PHF20L1: variants seen among roughly 807,000 people sequenced by gnomAD.
PHF20L1 encodes the protein PHD finger protein 20-like protein 1.
In PHF20L1, 44 loss-of-function variants were observed where a neutral mutation model predicts 125.5. That is an observed-to-expected ratio of 0.35 (90% CI 0.28 to 0.45). The LOEUF (loss-of-function observed/expected upper bound fraction) is 0.45, where lower values mean the gene tolerates loss of function less well. Ranked by LOEUF, PHF20L1 falls within the 20% of genes least tolerant of loss-of-function variation. PHF20L1 has a pLI of 1.00. For synonymous variants in PHF20L1, 380 were observed against 403.1 expected (o/e 0.94, Z 0.69); for missense variants, 1,012 against 1,217.2 (o/e 0.83, Z 2.51).
intron 2 of PHF20L1, among the ~76,000 whole-genome samples, chr8:132,791,760 A>T (rs1310735171): frequency 6.6e-6 from 1 of 152,184 alleles, no homozygotes; most frequent in Non-Finnish European, 1.5e-5. Context: ...TGTGTTACTT[A>T]ATTCTTGGCC....
intron 18 of PHF20L1, chr8:132,842,272 A>T (rs568297590): frequency 3.5e-5 from 12 of 346,520 alleles, no homozygotes; most frequent in Non-Finnish European, 6.2e-5. Context: ...GCATGTATCA[A>T]ATGATGATGT....
At chr8:132,800,377 C>T (rs892377960) in intron 6 of PHF20L1, among the ~76,000 whole-genome samples, 5 of 151,416 alleles carry the variant, frequency 3.3e-5, no homozygotes, top group African/African-American at 2.4e-5. Flanking sequence ...ATCACAGCAA[C>T]GTTAACAATA....
intron 15 of PHF20L1, among the ~76,000 whole-genome samples, chr8:132,832,705 T>A (rs1030397725): frequency 6.6e-6 from 1 of 152,126 alleles, no homozygotes; most frequent in Admixed American, 6.6e-5. Context: ...ACATTTGATA[T>A]ATAAACAAGC....
At chr8:132,844,065 A>G (rs1481214977) in intron 19 of PHF20L1, 91 bp from the exon 20 acceptor site, 4 of 1,551,874 alleles carry the variant, frequency 2.6e-6, no homozygotes, top group Non-Finnish European at 3.5e-6. Flanking sequence ...ACTAACTGTT[A>G]CCAGTGATGA....
rs147279419 is a variant in PHF20L1, at chr8:132,776,674, T to A, written c.-38+1029T>A. On this transcript the variant is annotated intron_variant, in intron 1 of 20. Transcript: ENST00000395386. Reference sequence around the variant, plus strand: ...GAGAAAAGAGGGAGCAGTTGGAATTTTATGTTTGTTGTTCTATTTTGTCTA... The same window carrying A: ...GAGAAAAGAGGGAGCAGTTGGAATTATATGTTTGTTGTTCTATTTTGTCTA... 4.1e-3 allele frequency among the ~76,000 whole-genome samples: 632 copies of A among 152,348 alleles called. 5 individuals carry two copies. Among genetic ancestry groups the A allele is most frequent in the African/African-American group, 0.014 (600 of 41,576 alleles).
At chr8:132,817,114 A>G in intron 11 of PHF20L1, 38 bp downstream of exon 11, 3 of 1,261,530 alleles carry the variant, frequency 2.4e-6, no homozygotes, top group Non-Finnish European at 3.3e-6. Flanking sequence ...CAAACATAAA[A>G]GAAGATAAAG....
At chr8:132,794,619 G>A in intron 3 of PHF20L1, 38 bp downstream of exon 3, 3 of 1,535,688 alleles carry the variant, frequency 2.0e-6, no homozygotes, top group Non-Finnish European at 1.8e-6. Context: ...AGTTTTGCCA[G>A]CTATGTAATG....
chr8:132,787,332 A>T (rs920872992), intron 2 of PHF20L1, among the ~76,000 whole-genome samples: 1 of 152,024 alleles, frequency 6.6e-6, no homozygotes, highest in Non-Finnish European at 1.5e-5. Context: ...TTTGCAAAGT[A>T]CCTGCCACAA....
At position 132,814,763 on chromosome 8, in the gene PHF20L1, A is replaced by C; in HGVS notation, c.1057A>C (p.Lys353Gln). 6.2e-7 allele frequency: 1 copy of C among 1,613,134 alleles called. No individual in the cohort carries two copies. Among genetic ancestry groups the C allele is most frequent in the Non-Finnish European group, 8.5e-7 (1 of 1,179,318 alleles). The change falls in exon 10 of 21, where the codon AAA becomes CAA. Residue 353 changes from lysine (K) to glutamine (Q), a missense_variant. Transcript: ENST00000395386. ...SSGKARSKKC[K>Q]HESGDSSGCI... ...AGGGAAGGCTCGCAGCAAGAAATGCAAACATGAATCTGGAGATTCTTCTGG... is the reference window on the plus strand; with the variant it reads ...AGGGAAGGCTCGCAGCAAGAAATGCCAACATGAATCTGGAGATTCTTCTGG...
At chr8:132,811,523 T>C (rs1834387908) in intron 9 of PHF20L1, 1 of 985,824 alleles carries the variant, frequency 1.0e-6, no homozygotes, top group African/African-American at 1.7e-5. Context: ...ATTGTAACAA[T>C]TGGTGTTGTT....
chr8:132,845,357 G>T (rs1838328647), intron 20 of PHF20L1, among the ~76,000 whole-genome samples: 1 of 151,918 alleles, frequency 6.6e-6, no homozygotes, highest in South Asian at 2.1e-4. Context: ...AATATGATTA[G>T]GTATGTTTTA....
intron 12 of PHF20L1, among the ~76,000 whole-genome samples, chr8:132,819,439 C>CT (rs1835335716): frequency 6.6e-6 from 1 of 151,572 alleles, no homozygotes; most frequent in Non-Finnish European, 1.5e-5. Flanking sequence ...TCTGTGACCT[C>CT]TTAATTTTTA....
chr8:132,807,085 C>CGTATAT (rs1833803045), intron 8 of PHF20L1: 1 of 151,696 alleles, frequency 6.6e-6, no homozygotes, highest in African/African-American at 2.4e-5. Context: ...ATATGGAATA[C>CGTATAT]GTATATGTAT....
chr8:132,807,980 A>G (rs1260821194), intron 8 of PHF20L1: 1 of 213,900 alleles, frequency 4.7e-6, no homozygotes, highest in Non-Finnish European at 9.5e-6. Context: ...CTCATTTTCT[A>G]TGGATAGTGC....
intron 18 of PHF20L1, among the ~76,000 whole-genome samples, chr8:132,839,857 C>T (rs1248620355): frequency 1.3e-5 from 2 of 152,048 alleles, no homozygotes; most frequent in African/African-American, 4.8e-5. Context: ...TGTATGCTTA[C>T]CGTATGTGCA....
At chr8:132,779,197 G>A (rs1279476514) in intron 2 of PHF20L1, among the ~76,000 whole-genome samples, 6 of 152,188 alleles carry the variant, frequency 3.9e-5, no homozygotes, top group Non-Finnish European at 5.9e-5. Flanking sequence ...GGTGAAGAAT[G>A]TACATGGTAA....
chr8:132,787,985 A>G (rs1460046464), intron 2 of PHF20L1, among the ~76,000 whole-genome samples: 1 of 152,012 alleles, frequency 6.6e-6, no homozygotes, highest in African/African-American at 2.4e-5. Context: ...TGACTACCAT[A>G]GTTATAGATG....
intron 2 of PHF20L1, among the ~76,000 whole-genome samples, chr8:132,784,279 G>GT (rs1332070898): frequency 6.6e-6 from 1 of 151,906 alleles, no homozygotes; most frequent in Non-Finnish European, 1.5e-5. Context: ...GCTTATCCTA[G>GT]TTTTTTTGAA....
intron 14 of PHF20L1, among the ~76,000 whole-genome samples, chr8:132,830,127 A>G (rs1836602480): frequency 6.6e-6 from 1 of 152,062 alleles, no homozygotes. Flanking sequence ...GGAGGCTCTT[A>G]GGGACAGTCT....
Sources: allele counts gnomAD v4.1 joint callset (sites outside exome capture counted in the v4.1 genomes callset), GRCh38; gene constraint gnomAD v4.1.1; transcripts MANE v1.5; gene names NCBI Gene and HGNC (gene_info 2026-07-23, HGNC 2026-07-21).